The following DYRK1A variants were observed in gnomAD, a reference collection of about 807,000 sequenced individuals.
DYRK1A encodes the protein dual specificity tyrosine phosphorylation regulated kinase 1A.
In DYRK1A, 9 loss-of-function variants were observed where a neutral mutation model predicts 79.7. The observed-to-expected ratio is 0.11, with a 90% CI of 0.07 to 0.20. DYRK1A has a LOEUF of 0.20. DYRK1A is among the 10% of genes least tolerant of loss of function. The pLI is 1.00. For synonymous variants in DYRK1A, 349 were observed against 329.7 expected (o/e 1.06, Z -0.63); for missense variants, 622 against 956.0 (o/e 0.65, Z 4.61).
intron 1 of DYRK1A, among the ~76,000 whole-genome samples, chr21:37,382,717 GC>G (rs1218186759): frequency 2.0e-5 from 3 of 152,092 alleles, no homozygotes; most frequent in African/African-American, 4.8e-5. Flanking sequence ...CAGCAGACCA[GC>G]CACTGGCCTA....
chr21:37,495,985 C>G, intron 8 of DYRK1A, 133 bp from the exon 9 acceptor site: 2 of 784,380 alleles, frequency 2.5e-6, no homozygotes, highest in Non-Finnish European at 4.0e-6. Flanking sequence ...TTGTTCATTA[C>G]TGTATGCTGG....
At chr21:37,404,383 C>CT (rs1403776815) in intron 1 of DYRK1A, among the ~76,000 whole-genome samples, 1 of 152,176 alleles carries the variant, frequency 6.6e-6, no homozygotes, top group South Asian at 2.1e-4. Flanking sequence ...TGCTCATTGT[C>CT]TATCATTTTG....
At chr21:37,421,174 G>A (rs1051839740) in intron 2 of DYRK1A, among the ~76,000 whole-genome samples, 11 of 152,068 alleles carry the variant, frequency 7.2e-5, no homozygotes, top group African/African-American at 2.2e-4. Flanking sequence ...AACTCTGTCA[G>A]AGAGCCTTAT....
chr21:37,386,692 G>T (rs916539097), intron 1 of DYRK1A, among the ~76,000 whole-genome samples: 2 of 103,896 alleles, frequency 1.9e-5, no homozygotes, highest in East Asian at 4.8e-4. Context: ...CTCACAATTG[G>T]AATTCCAGGG....
chr21:37,435,870 G>A (rs935927912), intron 2 of DYRK1A, among the ~76,000 whole-genome samples: 3 of 152,108 alleles, frequency 2.0e-5, no homozygotes, highest in Non-Finnish European at 4.4e-5. Flanking sequence ...AGATCAGGTT[G>A]TTATTCACTA....
At chr21:37,441,870 CTGAG>C (rs1569324796) in intron 2 of DYRK1A, among the ~76,000 whole-genome samples, 1 of 151,384 alleles carries the variant, frequency 6.6e-6, no homozygotes, top group African/African-American at 2.4e-5. Context: ...TTCCTTCATC[CTGAG>C]TATTTCTATT....
chr21:37,422,242 T>C (rs1267288655), intron 2 of DYRK1A, among the ~76,000 whole-genome samples: 1 of 152,186 alleles, frequency 6.6e-6, no homozygotes, highest in African/African-American at 2.4e-5. Flanking sequence ...CTAATAAATA[T>C]ATTAGCTGTT....
chr21:37,422,871 T>A (rs1382843895), intron 2 of DYRK1A, among the ~76,000 whole-genome samples: 1 of 152,166 alleles, frequency 6.6e-6, no homozygotes, highest in Non-Finnish European at 1.5e-5. Context: ...ATGTATTTAG[T>A]TCATGTATCT....
At chr21:37,409,005 A>G (rs1432660141) in intron 1 of DYRK1A, among the ~76,000 whole-genome samples, 3 of 152,110 alleles carry the variant, frequency 2.0e-5, no homozygotes, top group Admixed American at 6.6e-5. Context: ...GGTCATGTCT[A>G]TAGGTGTGTG....
At chr21:37,429,092 A>G (rs1407824960) in intron 2 of DYRK1A, among the ~76,000 whole-genome samples, 1 of 152,232 alleles carries the variant, frequency 6.6e-6, no homozygotes, top group Non-Finnish European at 1.5e-5. Flanking sequence ...GAGAAACACA[A>G]ATAAGTTAAT....
intron 2 of DYRK1A, among the ~76,000 whole-genome samples, chr21:37,420,996 G>A (rs951421056): frequency 6.6e-6 from 1 of 151,976 alleles, no homozygotes; most frequent in African/African-American, 2.4e-5. Context: ...ATTAATTGAG[G>A]TGATCTTTTA....
intron 5 of DYRK1A, among the ~76,000 whole-genome samples, chr21:37,481,975 TCTC>T (rs2052659091): frequency 6.6e-6 from 1 of 152,180 alleles, no homozygotes; most frequent in East Asian, 1.9e-4. Context: ...ATAATCCCAG[TCTC>T]CTCTGCCTTG....
At chr21:37,368,798 A>C (rs2049370528) in intron 1 of DYRK1A, among the ~76,000 whole-genome samples, 1 of 152,202 alleles carries the variant, frequency 6.6e-6, no homozygotes, top group Admixed American at 6.5e-5. Context: ...GGTGTAACTC[A>C]TTATTAGAAA....
At chr21:37,425,968 G>GTTT (rs1167684583) in intron 2 of DYRK1A, among the ~76,000 whole-genome samples, 1 of 152,188 alleles carries the variant, frequency 6.6e-6, no homozygotes, top group Non-Finnish European at 1.5e-5. Flanking sequence ...ACTGGAGATA[G>GTTT]TTTTGAGTTC....
chr21:37,366,993 C>T lies in DYRK1A; in HGVS notation c.-712C>T. ...CGAGCGGGGGGTGCGGGCGCCGCCGCCGCCGCTTCTGCTGCTGCTGTTCCT... is the reference window on the plus strand; with the variant it reads ...CGAGCGGGGGGTGCGGGCGCCGCCGTCGCCGCTTCTGCTGCTGCTGTTCCT... On this transcript the variant is annotated 5_prime_UTR_variant, in exon 1 of 12. Coordinates refer to ENST00000647188, the MANE Select transcript of DYRK1A (RefSeq NM_001347721.2). The T allele has an allele frequency of 6.0e-6, 1 of 165,668 alleles. No homozygotes were observed. Among genetic ancestry groups the T allele is most frequent in the Non-Finnish European group, 1.3e-5 (1 of 76,814 alleles). 10.3% of individuals were successfully genotyped at this position (165,668 alleles called of 1,614,324 possible).
intron 1 of DYRK1A, among the ~76,000 whole-genome samples, chr21:37,417,538 T>TTCTTTTTCTTTTTC (rs372913876): frequency 0.01 from 1,007 of 99,700 alleles, 10 homozygotes; most frequent in Non-Finnish European, 0.015. Flanking sequence ...TCTTTTTTTT[T>TTCTTTTTCTTTTTC]TTTTTTTTTT....
intron 2 of DYRK1A, among the ~76,000 whole-genome samples, chr21:37,461,511 G>T (rs1190263436): frequency 6.6e-6 from 1 of 152,126 alleles, no homozygotes; most frequent in Non-Finnish European, 1.5e-5. Context: ...CTCAGTTTCT[G>T]TCTGGAATCA....
At chr21:37,462,217 T>C (rs984655282) in intron 2 of DYRK1A, among the ~76,000 whole-genome samples, 2 of 152,190 alleles carry the variant, frequency 1.3e-5, no homozygotes, top group Admixed American at 1.3e-4. Flanking sequence ...TTGCTGTGCC[T>C]AGTGAATTGG....
intron 2 of DYRK1A, among the ~76,000 whole-genome samples, chr21:37,469,897 G>C (rs1038514585): frequency 1.4e-4 from 21 of 152,194 alleles, no homozygotes; most frequent in Non-Finnish European, 2.5e-4. Flanking sequence ...TGTAATCCCA[G>C]CACTTTGGGA....
Sources: allele counts gnomAD v4.1 joint callset (sites outside exome capture counted in the v4.1 genomes callset), GRCh38; gene constraint gnomAD v4.1.1; transcripts MANE v1.5; gene names NCBI Gene and HGNC (gene_info 2026-07-23, HGNC 2026-07-21).